The following CDH12 variants were observed in gnomAD, a reference collection of about 807,000 sequenced individuals.
The protein encoded by CDH12 is cadherin-12.
In CDH12, 41 loss-of-function variants were observed where a neutral mutation model predicts 74.1. That is an observed-to-expected ratio of 0.55 (90% CI 0.43 to 0.72). The LOEUF (loss-of-function observed/expected upper bound fraction) is 0.72. Ranked by LOEUF, CDH12 falls within the 30% of genes least tolerant of loss-of-function variation. The pLI is 0.00. For synonymous variants in CDH12, 399 were observed against 355.0 expected (o/e 1.12, Z -1.39); for missense variants, 945 against 977.2 (o/e 0.97, Z 0.44).
At chr5:22,265,464 C>A (rs1034712070) in intron 3 of CDH12, among the ~76,000 whole-genome samples, 1 of 152,110 alleles carries the variant, frequency 6.6e-6, no homozygotes, top group African/African-American at 2.4e-5. Flanking sequence ...TATAATTCAG[C>A]TTTCTGTTTA....
At chr5:22,807,175 C>A (rs1486997954) in intron 1 of CDH12, among the ~76,000 whole-genome samples, 1 of 152,022 alleles carries the variant, frequency 6.6e-6, no homozygotes, top group African/African-American at 2.4e-5. Context: ...TTATATAGAG[C>A]AACATAATTC....
At chr5:22,244,594 AAGAC>A (rs1360452626) in intron 3 of CDH12, among the ~76,000 whole-genome samples, 2 of 137,160 alleles carry the variant, frequency 1.5e-5, no homozygotes, top group African/African-American at 2.7e-5. Context: ...AAAGAAAGGA[AAGAC>A]AGAGAGAGAA....
At chr5:22,534,003 T>A (rs947105305) in intron 1 of CDH12, among the ~76,000 whole-genome samples, 1 of 152,170 alleles carries the variant, frequency 6.6e-6, no homozygotes, top group Admixed American at 6.5e-5. Flanking sequence ...CTGGTTCCTC[T>A]TATGCTTTAA....
chr5:22,508,013 C>T (rs763052630), intron 1 of CDH12, among the ~76,000 whole-genome samples: 1 of 152,140 alleles, frequency 6.6e-6, no homozygotes, highest in Non-Finnish European at 1.5e-5. Flanking sequence ...AAATCTTCTG[C>T]CTCTCATTTT....
intron 10 of CDH12, among the ~76,000 whole-genome samples, chr5:21,792,811 C>G (rs1424534589): frequency 6.6e-6 from 1 of 151,660 alleles, no homozygotes; most frequent in East Asian, 1.9e-4. Context: ...TCTGCGGACA[C>G]CTTGAAGCAG....
chr5:22,702,608 A>G (rs1742773655), intron 1 of CDH12, among the ~76,000 whole-genome samples: 1 of 151,928 alleles, frequency 6.6e-6, no homozygotes, highest in African/African-American at 2.4e-5. Context: ...ATAGTTATGA[A>G]TGGGCTAAGA....
intron 1 of CDH12, chr5:22,639,043 T>C (rs1441815020): frequency 5.7e-5 from 5 of 88,484 alleles, no homozygotes; most frequent in African/African-American, 2.4e-4. Flanking sequence ...AGAGTGAGAG[T>C]CCGCCTCAAA....
At chr5:22,214,115 A>T (rs1045241156) in intron 3 of CDH12, among the ~76,000 whole-genome samples, 3 of 152,046 alleles carry the variant, frequency 2.0e-5, no homozygotes, top group Admixed American at 2.0e-4. Flanking sequence ...AAAGTATCTC[A>T]TTAAAATACA....
At chr5:22,713,940 A>G (rs1477464979) in intron 1 of CDH12, among the ~76,000 whole-genome samples, 1 of 152,140 alleles carries the variant, frequency 6.6e-6, no homozygotes, top group Non-Finnish European at 1.5e-5. Flanking sequence ...ATAGCTCTAC[A>G]TCAGTTTTCT....
At chr5:22,225,991 A>G (rs1752181150) in intron 3 of CDH12, among the ~76,000 whole-genome samples, 3 of 128,436 alleles carry the variant, frequency 2.3e-5, no homozygotes. Flanking sequence ...ATGGAATAAC[A>G]ACATCAGACA....
At chr5:22,844,029 T>C (rs1481288695) in intron 1 of CDH12, among the ~76,000 whole-genome samples, 2 of 152,072 alleles carry the variant, frequency 1.3e-5, no homozygotes, top group African/African-American at 4.8e-5. Flanking sequence ...AGGATGCTTA[T>C]TTGTATACAA....
At chr5:22,128,500 C>T (rs560193629) in intron 4 of CDH12, among the ~76,000 whole-genome samples, 64 of 151,988 alleles carry the variant, frequency 4.2e-4, no homozygotes, top group African/African-American at 1.5e-3. Flanking sequence ...TAAAACACTT[C>T]TTCTATTTCA....
chr5:21,983,981 C>T (rs1312259145), intron 5 of CDH12, among the ~76,000 whole-genome samples: 1 of 152,048 alleles, frequency 6.6e-6, no homozygotes, highest in African/African-American at 2.4e-5. Flanking sequence ...TCTAATTAGT[C>T]TGTGTTTGTG....
intron 4 of CDH12, among the ~76,000 whole-genome samples, chr5:22,125,995 C>T (rs1745839602): frequency 4.7e-5 from 4 of 84,498 alleles, no homozygotes; most frequent in Admixed American, 1.4e-4. Context: ...GTATTTCATT[C>T]ATTTTGGGGG....
chr5:22,741,125 T>C (rs1745005231), intron 1 of CDH12, among the ~76,000 whole-genome samples: 1 of 152,136 alleles, frequency 6.6e-6, no homozygotes, highest in South Asian at 2.1e-4. Context: ...AATTAACCAT[T>C]GTTTTGCTTG....
chr5:22,744,434 A>AAC (rs1553997741), intron 1 of CDH12, among the ~76,000 whole-genome samples: 6 of 152,050 alleles, frequency 3.9e-5, no homozygotes, highest in Non-Finnish European at 7.4e-5. Context: ...GTCTCAAAAA[A>AAC]AAACAAACAA....
chr5:22,562,417 TG>T (rs1224311256), intron 1 of CDH12, among the ~76,000 whole-genome samples: 1 of 152,138 alleles, frequency 6.6e-6, no homozygotes, highest in African/African-American at 2.4e-5. Context: ...AAAATGAAAT[TG>T]GCGTGGGCAA....
intron 4 of CDH12, among the ~76,000 whole-genome samples, chr5:22,124,701 T>G (rs1246932589): frequency 6.6e-6 from 1 of 152,370 alleles, no homozygotes. Flanking sequence ...ACTCTATTAA[T>G]CTTCTTAAAT....
intron 4 of CDH12, among the ~76,000 whole-genome samples, chr5:22,127,093 A>G (rs1182865281): frequency 1.3e-5 from 2 of 152,208 alleles, no homozygotes; most frequent in Non-Finnish European, 2.9e-5. Context: ...AGCATGCCGC[A>G]GAAATCATTT....
Sources: allele counts gnomAD v4.1 joint callset (sites outside exome capture counted in the v4.1 genomes callset), GRCh38; gene constraint gnomAD v4.1.1; transcripts MANE v1.5; gene names NCBI Gene and HGNC (gene_info 2026-07-23, HGNC 2026-07-21).